Variants in PLAG1 observed in about 807,000 individuals in gnomAD.
PLAG1 encodes the protein zinc finger protein PLAG1.
In PLAG1, 7 loss-of-function variants were observed where a neutral mutation model predicts 35.5. That is an observed-to-expected ratio of 0.20 (90% CI 0.11 to 0.37). PLAG1 has a LOEUF of 0.37. Among genes scored for constraint, PLAG1 ranks in the 10% least tolerant of loss-of-function variants. The probability of loss-of-function intolerance (pLI) is 1.00; values close to 1 mark genes in which losing one functional copy is unlikely to be tolerated. For synonymous variants in PLAG1, 229 were observed against 225.4 expected, an observed-to-expected ratio of 1.02 and a Z score of -0.14; for missense variants, 454 against 602.8, an observed-to-expected ratio of 0.75 and a Z score of 2.58.
rs758225761 is a variant in PLAG1 at position 56,168,022 on chromosome 8, T to G, written c.242+6A>C. ...TATAATCTGAAAGACAAATAGAGTT[T>G]AATACCTTTGTAATTTGTACTTAGA... On this transcript the variant is annotated splice_donor_region_variant and intron_variant, in intron 4 of 4. Coordinates refer to ENST00000316981, the MANE Select transcript of PLAG1 (RefSeq NM_002655.3). 49 of 1,432,746 alleles carry G rather than the reference T, an allele frequency of 3.4e-5. 2 individuals are homozygous for G. In the South Asian group the frequency reaches 5.8e-4, roughly 17 times the overall value. The allele number at this position is 1,432,746 out of a possible 1,614,324, so 88.8% of individuals were successfully genotyped here. A position where few individuals can be genotyped will look rare whatever the true frequency, so the allele number is the denominator to read the frequency against.
chr8:56,183,855 T>C (rs1236219156), intron 1 of PLAG1, among the ~76,000 whole-genome samples: 1 of 152,128 alleles, frequency 6.6e-6, no homozygotes, highest in Non-Finnish European at 1.5e-5. Context: ...TGAACCTAAA[T>C]ATAAAACCTA....
At chr8:56,175,055 A>C (rs1811645009) in intron 2 of PLAG1, among the ~76,000 whole-genome samples, 1 of 152,240 alleles carries the variant, frequency 6.6e-6, no homozygotes, top group Non-Finnish European at 1.5e-5. Context: ...GTCAAAGATA[A>C]TGTAGTATGA....
At position 56,171,094 on chromosome 8, in the gene PLAG1, A is replaced by G; in HGVS notation, c.-121T>C. On this transcript the variant is annotated 5_prime_UTR_variant, in exon 3 of 5. Transcript: ENST00000316981. Reference sequence around the variant, plus strand: ...TGATTTTTAGTTCAATGCATACCTGATTACTGATGGAAAAAGCCTCAGACT... The same window carrying G: ...TGATTTTTAGTTCAATGCATACCTGGTTACTGATGGAAAAAGCCTCAGACT... 1.1e-6 allele frequency: 1 copy of G among 917,342 alleles called. No homozygotes were observed. The highest frequency in any genetic ancestry group is 1.3e-6 in the Non-Finnish European group (1 of 767,458). The allele number at this position is 917,342 out of a possible 1,614,324, so 56.8% of individuals were successfully genotyped here.
intron 1 of PLAG1, among the ~76,000 whole-genome samples, chr8:56,188,294 G>A (rs914250705): frequency 6.6e-6 from 1 of 152,192 alleles, no homozygotes; most frequent in African/African-American, 2.4e-5. Flanking sequence ...GGAGGGGACA[G>A]GGATCTGATA....
At position 56,166,231 on chromosome 8, in the gene PLAG1, T is replaced by TG; in HGVS notation, c.*11dup. 6.5e-7 allele frequency: 1 copy of TG among 1,545,666 alleles called. No individual in the cohort carries two copies. Among genetic ancestry groups the TG allele is most frequent in the Non-Finnish European group, 8.7e-7 (1 of 1,145,330 alleles). ...CACATACATTTCTGTAATGAATCCA[T>TG]GTCCCAGAATCCTACTGAAAAGCTT... On this transcript the variant is annotated 3_prime_UTR_variant, in exon 5 of 5. Transcript: ENST00000316981.
At chr8:56,204,389 GAA>G (rs1358495386) in intron 1 of PLAG1, among the ~76,000 whole-genome samples, 1 of 151,624 alleles carries the variant, frequency 6.6e-6, no homozygotes, top group African/African-American at 2.4e-5. Context: ...CTGTACACTT[GAA>G]CTATCTTAAG....
intron 1 of PLAG1, chr8:56,209,402 T>C (rs574380403): frequency 4.6e-5 from 7 of 152,308 alleles, no homozygotes; most frequent in Admixed American, 2.6e-4. Flanking sequence ...TATGGGTGGG[T>C]GCACTGGAGT....
intron 1 of PLAG1, among the ~76,000 whole-genome samples, chr8:56,184,358 T>C (rs547405628): frequency 7.9e-5 from 12 of 152,210 alleles, no homozygotes; most frequent in Middle Eastern, 3.4e-3. Flanking sequence ...GTGAAACAAA[T>C]AGAATTCCTA....
intron 2 of PLAG1, among the ~76,000 whole-genome samples, chr8:56,176,308 C>G (rs1413698472): frequency 1.3e-5 from 2 of 150,672 alleles, no homozygotes; most frequent in Non-Finnish European, 2.9e-5. Flanking sequence ...CCGTCTTGGC[C>G]TCTCAAAGTG....
chr8:56,168,624 CAT>C (rs1211722176), intron 3 of PLAG1, among the ~76,000 whole-genome samples: 3 of 152,126 alleles, frequency 2.0e-5, no homozygotes, highest in Non-Finnish European at 2.9e-5. Context: ...CCACTTGACA[CAT>C]GTTTTACTTA....
In PLAG1 at chr8:56,162,407, T is replaced by A. The variant is rs1811228554; in HGVS notation, c.*3836A>T. On this transcript the variant is annotated 3_prime_UTR_variant, in exon 5 of 5. Transcript: ENST00000316981. ...TAAAACCTTATGAAAAGACACACAC[T>A]GATTCTGTGCAATATAGCAAATTGA... The A allele has an allele frequency of 4.5e-6, 1 of 222,718 alleles. No homozygotes were observed. The highest frequency in any genetic ancestry group is 1.8e-4 in the South Asian group (1 of 5,454). 13.8% of individuals were successfully genotyped at this position (222,718 alleles called of 1,614,324 possible).
chr8:56,176,997 T>C (rs1811716571), intron 2 of PLAG1, among the ~76,000 whole-genome samples: 1 of 152,210 alleles, frequency 6.6e-6, no homozygotes. Context: ...TGAATCTGCC[T>C]ATAAATTCAA....
intron 1 of PLAG1, among the ~76,000 whole-genome samples, chr8:56,207,187 C>A (rs1440961761): frequency 2.0e-5 from 3 of 151,756 alleles, no homozygotes; most frequent in Admixed American, 1.3e-4. Flanking sequence ...GACTACACAG[C>A]TCAAGAGGCA....
chr8:56,189,167 T>C (rs180697699), intron 1 of PLAG1, among the ~76,000 whole-genome samples: 2 of 152,346 alleles, frequency 1.3e-5, no homozygotes, highest in African/African-American at 2.4e-5. Context: ...GAGCTTTCCA[T>C]GCTGTTGGCC....
chr8:56,176,173 C>T (rs145466501), intron 2 of PLAG1, among the ~76,000 whole-genome samples: 12 of 151,954 alleles, frequency 7.9e-5, no homozygotes, highest in African/African-American at 1.7e-4. Flanking sequence ...CCTCAGCCTC[C>T]GCAGCAGCTG....
chr8:56,196,520 G>A (rs1449478421), intron 1 of PLAG1, among the ~76,000 whole-genome samples: 10 of 152,100 alleles, frequency 6.6e-5, no homozygotes, highest in African/African-American at 1.2e-4. Context: ...GGGGCCAAGC[G>A]CTGACTGCCA....
At chr8:56,199,565 G>C (rs1313147102) in intron 1 of PLAG1, among the ~76,000 whole-genome samples, 1 of 152,110 alleles carries the variant, frequency 6.6e-6, no homozygotes, top group African/African-American at 2.4e-5. Context: ...CAAGTGGAGA[G>C]GAAGAGATGG....
chr8:56,171,478 T>C (rs563436748), intron 2 of PLAG1: 2 of 152,242 alleles, frequency 1.3e-5, no homozygotes, highest in Admixed American at 6.5e-5. Context: ...AAATCTGACT[T>C]ACCTACTGAA....
intron 1 of PLAG1, among the ~76,000 whole-genome samples, chr8:56,185,676 G>A (rs1474167595): frequency 1.3e-5 from 2 of 152,142 alleles, no homozygotes; most frequent in African/African-American, 4.8e-5. Flanking sequence ...TGTCAAACTT[G>A]GAGGAAGCCA....
Sources: allele counts gnomAD v4.1 joint callset (sites outside exome capture counted in the v4.1 genomes callset), GRCh38; gene constraint gnomAD v4.1.1; transcripts MANE v1.5; gene names NCBI Gene and HGNC (gene_info 2026-07-23, HGNC 2026-07-21).